FSTL5: variants seen among roughly 807,000 people sequenced by gnomAD.
FSTL5 encodes the protein follistatin-related protein 5.
A neutral mutation model predicts 89.1 loss-of-function variants in FSTL5; 62 were observed. The ratio of observed to expected loss-of-function variants is 0.70; its 90% CI spans 0.57 to 0.86. FSTL5 has a LOEUF of 0.86. Among genes scored for constraint, FSTL5 ranks in the 40% least tolerant of loss-of-function variants. FSTL5 has a pLI of 0.00. For synonymous variants in FSTL5, 383 were observed against 346.2 expected (o/e 1.11, Z -1.18); for missense variants, 1,057 against 1,001.6 (o/e 1.06, Z -0.75).
rs1365041901 is a variant in FSTL5, at chr4:161,865,455, A to G, written c.409+54949T>C. Among the ~76,000 whole-genome samples, 3 of 152,200 alleles carry G rather than the reference A, an allele frequency of 2.0e-5. No individual in the cohort carries two copies. The East Asian group carries it at 5.8e-4, about 29-fold the overall frequency. ...TAAAAGTAAATATAAACATACAATC[A>G]GTGATGTGCATGAAAGCACCTACTA... On this transcript the variant is annotated intron_variant, in intron 4 of 15. Coordinates refer to ENST00000306100, the MANE Select transcript of FSTL5 (RefSeq NM_020116.5).
At chr4:161,498,101 T>C (rs541952825) in intron 12 of FSTL5, among the ~76,000 whole-genome samples, 2 of 151,938 alleles carry the variant, frequency 1.3e-5, no homozygotes, top group East Asian at 3.9e-4. Context: ...TACATATATA[T>C]GTATACATAG....
chr4:161,783,859 G>C (rs918219537), intron 4 of FSTL5, among the ~76,000 whole-genome samples: 1 of 149,066 alleles, frequency 6.7e-6, no homozygotes, highest in Non-Finnish European at 1.5e-5. Flanking sequence ...TCTGCCCCTT[G>C]GGTTCAAGAG....
At chr4:161,998,085 G>A (rs1238646548) in intron 3 of FSTL5, among the ~76,000 whole-genome samples, 2 of 152,084 alleles carry the variant, frequency 1.3e-5, no homozygotes, top group Admixed American at 6.5e-5. Context: ...AAAGCTACAC[G>A]GAGGAAAAGA....
At chr4:161,426,192 A>G (rs1405369747) in intron 15 of FSTL5, among the ~76,000 whole-genome samples, 1 of 152,154 alleles carries the variant, frequency 6.6e-6, no homozygotes, top group East Asian at 1.9e-4. Context: ...TAGCAACTCT[A>G]TTCAAATAAC....
chr4:161,447,738 T>C (rs1732995135), intron 15 of FSTL5, among the ~76,000 whole-genome samples: 1 of 152,134 alleles, frequency 6.6e-6, no homozygotes, highest in African/African-American at 2.4e-5. Flanking sequence ...ATAGTGTGTT[T>C]ACTTCATTAG....
At chr4:161,856,310 T>A (rs921741914) in intron 4 of FSTL5, among the ~76,000 whole-genome samples, 15 of 152,062 alleles carry the variant, frequency 9.9e-5, no homozygotes, top group Non-Finnish European at 1.5e-4. Context: ...TATAAAAGGG[T>A]AGAAAATATC....
intron 7 of FSTL5, among the ~76,000 whole-genome samples, chr4:161,615,444 CAAAAAAAAAAAAA>C (rs570217571): frequency 1.1e-5 from 1 of 87,442 alleles, no homozygotes; most frequent in Non-Finnish European, 2.4e-5. Context: ...GACTCCATCT[CAAAAAAAAAAAAA>C]AAAAAAGAAA....
intron 15 of FSTL5, among the ~76,000 whole-genome samples, chr4:161,422,236 C>A (rs1732014801): frequency 6.6e-6 from 1 of 151,822 alleles, no homozygotes; most frequent in Admixed American, 6.6e-5. Flanking sequence ...CTATAAATTT[C>A]TGTTGTAAAG....
At chr4:161,721,670 G>T (rs1739224040) in intron 6 of FSTL5, among the ~76,000 whole-genome samples, 1 of 152,062 alleles carries the variant, frequency 6.6e-6, no homozygotes, top group South Asian at 2.1e-4. Flanking sequence ...AGGCATCCAG[G>T]GATCAAATTT....
intron 15 of FSTL5, among the ~76,000 whole-genome samples, chr4:161,411,065 A>G (rs1200444286): frequency 1.3e-5 from 2 of 152,114 alleles, no homozygotes; most frequent in African/African-American, 4.8e-5. Flanking sequence ...ACTATGAACA[A>G]CTCTATGCAC....
intron 2 of FSTL5, among the ~76,000 whole-genome samples, chr4:162,061,534 C>A: frequency 6.6e-6 from 1 of 152,174 alleles, no homozygotes; most frequent in Non-Finnish European, 1.5e-5. Flanking sequence ...ACCACTCCTA[C>A]TCTGATGACT....
chr4:161,948,979 C>T (rs1560931781), intron 3 of FSTL5, among the ~76,000 whole-genome samples: 1 of 152,104 alleles, frequency 6.6e-6, no homozygotes, highest in East Asian at 1.9e-4. Context: ...CACACATTTA[C>T]TCTCCTACAG....
At chr4:161,646,708 G>A (rs1167923164) in intron 7 of FSTL5, among the ~76,000 whole-genome samples, 1 of 152,016 alleles carries the variant, frequency 6.6e-6, no homozygotes, top group East Asian at 1.9e-4. Flanking sequence ...ATCTGTCTGT[G>A]TTTTTCTCTT....
intron 3 of FSTL5, among the ~76,000 whole-genome samples, chr4:161,988,627 G>A (rs1047414891): frequency 6.6e-6 from 1 of 152,030 alleles, no homozygotes; most frequent in East Asian, 1.9e-4. Flanking sequence ...TCAGAAATAT[G>A]ATAAAAATTG....
chr4:161,903,476 TTAAA>T (rs1173059737), intron 4 of FSTL5, among the ~76,000 whole-genome samples: 1 of 151,988 alleles, frequency 6.6e-6, no homozygotes, highest in African/African-American at 2.4e-5. Context: ...TTGCTCCAAT[TTAAA>T]TATAGTTTAA....
intron 7 of FSTL5, among the ~76,000 whole-genome samples, chr4:161,647,927 A>G (rs1468588744): frequency 6.6e-6 from 1 of 152,114 alleles, no homozygotes; most frequent in Non-Finnish European, 1.5e-5. Context: ...CGAGAGGAAC[A>G]CACTGACAGG....
chr4:162,030,831 G>T (rs1012608045), intron 3 of FSTL5, among the ~76,000 whole-genome samples: 1 of 152,122 alleles, frequency 6.6e-6, no homozygotes, highest in Non-Finnish European at 1.5e-5. Context: ...CTAGAGAGAT[G>T]CTCTCAAATA....
intron 4 of FSTL5, among the ~76,000 whole-genome samples, chr4:161,905,420 A>G (rs980909398): frequency 1.3e-5 from 2 of 152,164 alleles, no homozygotes; most frequent in Non-Finnish European, 1.5e-5. Context: ...AGTTCCTTGA[A>G]TGGCCCCATT....
In FSTL5 at chr4:162,104,280, C is replaced by T. The variant is rs185539372; in HGVS notation, c.126+6991G>A. 1.9e-4 allele frequency among the ~76,000 whole-genome samples: 29 copies of T among 152,316 alleles called. No individual in the cohort carries two copies. The East Asian group carries it at 2.7e-3, about 14-fold the overall frequency. ...GTCACTGGGTTCCACAGTTCTCTTC[C>T]GTGACCAATGGCTTCCAACAGAGCT... On this transcript the variant is annotated intron_variant, in intron 2 of 15. Transcript: ENST00000306100.
Sources: allele counts gnomAD v4.1 joint callset (sites outside exome capture counted in the v4.1 genomes callset), GRCh38; gene constraint gnomAD v4.1.1; transcripts MANE v1.5; gene names NCBI Gene and HGNC (gene_info 2026-07-23, HGNC 2026-07-21).